Variants in ASH2L observed in about 807,000 individuals in gnomAD.
The protein encoded by ASH2L is ASH2 like, histone lysine methyltransferase complex subunit.
A neutral mutation model predicts 81.1 loss-of-function variants in ASH2L; 30 were observed. The observed-to-expected ratio is 0.37, with a 90% CI of 0.28 to 0.50. The LOEUF (loss-of-function observed/expected upper bound fraction) is 0.50, where lower values mean the gene tolerates loss of function less well. Ranked by LOEUF, ASH2L falls within the 20% of genes least tolerant of loss-of-function variation. ASH2L has a pLI of 0.95. For missense variants in ASH2L, 559 were observed against 792.1 expected (o/e 0.71, Z 3.53); for synonymous variants, 273 against 279.9 (o/e 0.98, Z 0.24).
chr8:38,105,813 CTG>C, intron 1 of ASH2L, 75 bp downstream of exon 1: 1 of 1,473,972 alleles, frequency 6.8e-7, no homozygotes, highest in Non-Finnish European at 9.0e-7. Flanking sequence ...TCCTGGAGCC[CTG>C]CCGCCCGCCC....
intron 10 of ASH2L, chr8:38,122,556 G>C (rs1403169833): frequency 6.6e-6 from 1 of 151,952 alleles, no homozygotes; most frequent in Non-Finnish European, 1.5e-5. Context: ...AGGCGTCATT[G>C]CTTCTAGACT....
chr8:38,116,100 T>C (rs1474815085), intron 7 of ASH2L, among the ~76,000 whole-genome samples: 1 of 151,918 alleles, frequency 6.6e-6, no homozygotes, highest in East Asian at 1.9e-4. Flanking sequence ...TGGTGGCTCA[T>C]GCCTGTAATC....
chr8:38,128,024 C>T (rs140562601), intron 10 of ASH2L, among the ~76,000 whole-genome samples: 1,807 of 146,314 alleles, frequency 0.012, 50 homozygotes, highest in African/African-American at 0.042. Flanking sequence ...CCAGCCTGGG[C>T]GACAGAGCGG....
At position 38,138,803 on chromosome 8, in the gene ASH2L, GA is replaced by G. The variant is rs765809408; in HGVS notation, c.1720-11del. The stretch of plus-strand genomic sequence containing the variant: ...CATTTTTTCCATGTCTGCTTGAATT[GA>G]ATTCGCTCCAGGTTTCCATTAACTT... On this transcript the variant is annotated splice_polypyrimidine_tract_variant and intron_variant, in intron 14 of 15. Transcript: ENST00000343823. 2 of 1,611,370 alleles carry G rather than the reference GA, an allele frequency of 1.2e-6. No individual in the cohort carries two copies. Among genetic ancestry groups the G allele is most frequent in the African/African-American group, 2.7e-5 (2 of 74,806 alleles).
chr8:38,137,389 C>CAAAAAAAAAAAAAAA (rs71216651), intron 14 of ASH2L: 1 of 124,196 alleles, frequency 8.1e-6, no homozygotes, highest in Non-Finnish European at 1.6e-5. Flanking sequence ...TCTAAAAATA[C>CAAAAAAAAAAAAAAA]AAAAAAAAAA....
intron 13 of ASH2L, among the ~76,000 whole-genome samples, chr8:38,133,929 C>G (rs1183296681): frequency 6.6e-6 from 1 of 152,132 alleles, no homozygotes; most frequent in Non-Finnish European, 1.5e-5. Flanking sequence ...GTTGCTGTGT[C>G]TGTGTGGAAA....
intron 1 of ASH2L, 149 bp downstream of exon 1, chr8:38,105,887 CCT>C (rs1810403807): frequency 2.8e-6 from 4 of 1,448,658 alleles, no homozygotes; most frequent in East Asian, 2.5e-5. Flanking sequence ...TGGCCCGTCC[CCT>C]CTCAAGCATA....
Position 38,139,307 on chromosome 8 carries a change from T to A in ASH2L, c.*236T>A, listed in dbSNP as rs536772640. On this transcript the variant is annotated 3_prime_UTR_variant, in exon 16 of 16. Coordinates refer to ENST00000343823, the MANE Select transcript of ASH2L (RefSeq NM_004674.5). ...AAGCCAACAACCGCTGACTCCAGGA[T>A]TGCATAAGCCCCCTGTGAAATCGGT... is the stretch of plus-strand genomic sequence containing the variant. 121 of 462,536 alleles carry A rather than the reference T, an allele frequency of 2.6e-4. No individual in the cohort carries two copies. The highest frequency in any genetic ancestry group is 2.2e-3 in the African/African-American group (115 of 52,106). The allele number at this position is 462,536 out of a possible 1,614,324, so 28.7% of individuals were successfully genotyped here. A position where few individuals can be genotyped will look rare whatever the true frequency, so the allele number is the denominator to read the frequency against.
chr8:38,139,245 C>T lies in ASH2L; in HGVS notation c.*174C>T. ...GACTGCCTGCCTTTCACCATTTTCT[C>T]CCCACTTCCAGTGACTGCTCTTATT... On this transcript the variant is annotated 3_prime_UTR_variant, in exon 16 of 16. Coordinates refer to ENST00000343823, the MANE Select transcript of ASH2L (RefSeq NM_004674.5). 1 of 566,032 alleles carries T rather than the reference C, an allele frequency of 1.8e-6. No homozygotes were observed. The highest frequency in any genetic ancestry group is 2.8e-5 in the East Asian group (1 of 35,228). The allele number at this position is 566,032 out of a possible 1,614,324, so 35.1% of individuals were successfully genotyped here.
Position 38,127,119 on chromosome 8 carries a change from A to G in ASH2L, c.1166-1172A>G, listed in dbSNP as rs1359590881. ...CAAGGCTGTAGTGAGTCAAGATGAC[A>G]CCACTGCATTCCAGCCTGAGCAACA... is the stretch of plus-strand genomic sequence containing the variant. On this transcript the variant is annotated intron_variant, in intron 10 of 15. Coordinates refer to ENST00000343823, the MANE Select transcript of ASH2L (RefSeq NM_004674.5). Among the ~76,000 whole-genome samples, 6 of 150,206 alleles carry G rather than the reference A, an allele frequency of 4.0e-5. No homozygotes were observed. In the South Asian group the frequency reaches 1.3e-3, roughly 32 times the overall value.
chr8:38,128,433 C>T lies in ASH2L; in HGVS notation c.1308C>T (p.Ala436=), dbSNP rs758548469. The part of the protein sequence containing the change: ...TVDEMPPDTA[A]RLGWSQPLGN... ...ATGAGATGCCACCAGATACCGCTGCCAGACTGGGTTGGTCCCAGCCCCTAG... is the reference window on the plus strand; with the variant it reads ...ATGAGATGCCACCAGATACCGCTGCTAGACTGGGTTGGTCCCAGCCCCTAG... Residue 436 remains alanine, a synonymous_variant, in exon 11 of 16, where the codon GCC becomes GCT. Coordinates refer to ENST00000343823, the MANE Select transcript of ASH2L (RefSeq NM_004674.5). 9.3e-6 allele frequency: 15 copies of T among 1,614,096 alleles called. No homozygotes were observed. The South Asian group carries it at 1.4e-4, about 15-fold the overall frequency.
intron 3 of ASH2L, among the ~76,000 whole-genome samples, chr8:38,109,552 C>T (rs2130476475): frequency 6.6e-6 from 1 of 152,316 alleles, no homozygotes; most frequent in South Asian, 2.1e-4. Flanking sequence ...GCAATCACTA[C>T]CATGTTTCTC....
Position 38,133,556 on chromosome 8 carries a change from G to A in ASH2L, c.1620+10G>A. 1 of 1,584,436 alleles carries A rather than the reference G, an allele frequency of 6.3e-7. No homozygotes were observed. Among genetic ancestry groups the A allele is most frequent in the Non-Finnish European group, 8.6e-7 (1 of 1,163,960 alleles). On this transcript the variant is annotated intron_variant, in intron 13 of 15. Coordinates refer to ENST00000343823, the MANE Select transcript of ASH2L (RefSeq NM_004674.5). ...GACTCCCCATAGTGAGGTGAGTCAT[G>A]GCCATAAGAACATTAGAATCATAAG...
intron 10 of ASH2L, among the ~76,000 whole-genome samples, chr8:38,127,742 CAAA>C (rs780876575): frequency 1.0e-4 from 7 of 67,988 alleles, no homozygotes; most frequent in Admixed American, 3.7e-4. Context: ...GACTCTGTCT[CAAA>C]AAAAAAAAAA....
chr8:38,122,201 G>T (rs1801656193), intron 10 of ASH2L, among the ~76,000 whole-genome samples: 1 of 152,002 alleles, frequency 6.6e-6, no homozygotes, highest in African/African-American at 2.4e-5. Context: ...TCAAGAAGTT[G>T]GTTCTTGTGT....
At chr8:38,124,803 C>G (rs990135392) in intron 10 of ASH2L, among the ~76,000 whole-genome samples, 2 of 152,114 alleles carry the variant, frequency 1.3e-5, no homozygotes, top group African/African-American at 4.8e-5. Context: ...TGTCTTAGTC[C>G]CTTTGTGTTG....
At chr8:38,132,035 G>A (rs1184899751) in intron 12 of ASH2L, among the ~76,000 whole-genome samples, 1 of 152,156 alleles carries the variant, frequency 6.6e-6, no homozygotes, top group Non-Finnish European at 1.5e-5. Flanking sequence ...TTTTAGTAGA[G>A]ACGGGGTTGC....
In ASH2L at chr8:38,119,308, G is replaced by T. The variant is rs1811036364; in HGVS notation, c.892G>T (p.Ala298Ser). Reference sequence around the variant, plus strand: ...AGGAAGCAGCGGAAAAGGACGAGGAGCCAAGCGCAAACAGCAGGATGGAGG... The same window carrying T: ...AGGAAGCAGCGGAAAAGGACGAGGATCCAAGCGCAAACAGCAGGATGGAGG... ...AAGSSGKGRG[A>S]KRKQQDGGTT... The change falls in exon 9 of 16, where the codon GCC becomes TCC. Residue 298 changes from alanine (A) to serine (S), a missense_variant. Around this residue, in one of 4 missense-constraint regions of ASH2L, gnomAD observed 318 missense variants for 527.0 expected, o/e 0.60. Coordinates refer to ENST00000343823, the MANE Select transcript of ASH2L (RefSeq NM_004674.5). 6.4e-7 allele frequency: 1 copy of T among 1,551,264 alleles called. No individual in the cohort carries two copies. Among genetic ancestry groups the T allele is most frequent in the African/African-American group, 1.4e-5 (1 of 73,104 alleles).
chr8:38,133,336 A>AT (rs1222839145), intron 12 of ASH2L, 118 bp from the exon 13 acceptor site: 13 of 698,492 alleles, frequency 1.9e-5, no homozygotes, highest in Non-Finnish European at 3.1e-5. Context: ...AACTGCAAAG[A>AT]TTTTTAATAT....
Sources: allele counts gnomAD v4.1 joint callset (sites outside exome capture counted in the v4.1 genomes callset), GRCh38; gene constraint gnomAD v4.1.1; regional missense constraint gnomAD v4.1.1; transcripts MANE v1.5; gene names NCBI Gene and HGNC (gene_info 2026-07-23, HGNC 2026-07-21).